Variants in ZNF394 observed in about 807,000 individuals in gnomAD.
ZNF394 encodes the protein zinc finger protein 394, also known as zinc finger protein 99.
In ZNF394, 19 loss-of-function variants were observed where a neutral mutation model predicts 21.8. That is an observed-to-expected ratio of 0.87 (90% confidence interval 0.61 to 1.28). The LOEUF is 1.28. Ranked by LOEUF, ZNF394 falls within the 50% of genes most tolerant of loss-of-function variation. The probability of loss-of-function intolerance (pLI) is 0.00; values close to 1 mark genes in which losing one functional copy is unlikely to be tolerated. For missense variants in ZNF394, 683 were observed against 708.6 expected (o/e 0.96, Z 0.41); for synonymous variants, 294 against 273.3 (o/e 1.08, Z -0.75).
chr7:99,493,956 C>A lies in ZNF394; in HGVS notation c.1259G>T (p.Gly420Val). 6.2e-7 allele frequency: 1 copy of A among 1,614,230 alleles called. No individual in the cohort carries two copies. Among genetic ancestry groups the A allele is most frequent in the Non-Finnish European group, 8.5e-7 (1 of 1,180,038 alleles). The stretch of plus-strand genomic sequence containing the variant: ...GTGTGAATTCTGCCTGAAGCGCTCC[C>A]CACATTTCAGACAGGTGTACGGCTT... ...GEKPYTCLKCGERFRQNSHLN... is the reference protein window; with the variant it reads ...GEKPYTCLKCVERFRQNSHLN... Residue 420 changes from glycine to valine, a missense_variant, in exon 3 of 3, where the codon GGG becomes GTG. Physicochemically the swap from Gly to Val is moderately radical, Grantham distance 109. Transcript: ENST00000337673.
rs2085608566 is a variant in ZNF394, at chr7:99,494,346, G to A, written c.869C>T (p.Ala290Val). Residue 290 changes from alanine (A) to valine (V), a missense_variant, in exon 3 of 3, where the codon GCC (alanine) becomes GTC (valine). This residue lies in a region of ZNF394 where 402 missense variants were observed against 373.8 expected (regional missense o/e 1.08). Coordinates refer to ENST00000337673, the MANE Select transcript of ZNF394 (RefSeq NM_032164.4). ...ACATAGAACAAGGTTGGAACACCTG[G>A]CACTGTTCTGCAATTCATTATTTTT... ...DSKNNELQNS[A>V]RCSNLVLCQH... 6.2e-7 allele frequency: 1 copy of A among 1,614,176 alleles called. No homozygotes were observed. Among genetic ancestry groups the A allele is most frequent in the African/African-American group, 1.3e-5 (1 of 75,044 alleles).
intron 2 of ZNF394, among the ~76,000 whole-genome samples, chr7:99,495,372 G>A (rs1422554466): frequency 6.6e-6 from 1 of 151,600 alleles, no homozygotes; most frequent in Non-Finnish European, 1.5e-5. Flanking sequence ...GCCTAGGCTG[G>A]AGTGCAGTGG....
rs373437696 is a variant in ZNF394 at position 99,494,567 on chromosome 7, C to T, written c.648G>A (p.Glu216=). 6.2e-6 allele frequency: 10 copies of T among 1,606,868 alleles called. No homozygotes were observed. In the African/African-American group the frequency reaches 1.1e-4, roughly 17 times the overall value. ...IPMQQILEEA[E]PQGQLQEAFQ... ...ACGCTTCTTGTAGTTGCCCCTGTGG[C>T]TCCGCTTCTTCTAAAATTTGTTGCA... The change falls in exon 3 of 3, where the codon GAG becomes GAA. Residue 216 remains glutamate, a synonymous_variant. Coordinates refer to ENST00000337673, the MANE Select transcript of ZNF394 (RefSeq NM_032164.4).
chr7:99,492,075 GAA>G (rs397948314), downstream of ZNF394, among the ~76,000 whole-genome samples: 4 of 47,692 alleles, frequency 8.4e-5, no homozygotes, highest in Non-Finnish European at 9.0e-5. Context: ...TCCGTCTCAA[GAA>G]AAAAAAAAAA....
At chr7:99,496,514 G>A (rs992553870) in intron 2 of ZNF394, among the ~76,000 whole-genome samples, 2 of 152,106 alleles carry the variant, frequency 1.3e-5, no homozygotes, top group Non-Finnish European at 2.9e-5. Flanking sequence ...GCAAAGGGCA[G>A]CAGAAGGGAT....
intron 2 of ZNF394, among the ~76,000 whole-genome samples, chr7:99,495,591 T>C (rs899621438): frequency 1.3e-5 from 2 of 149,568 alleles, no homozygotes; most frequent in Admixed American, 6.7e-5. Context: ...TTGCAAAGTG[T>C]TGCGATTACA....
downstream of ZNF394, among the ~76,000 whole-genome samples, chr7:99,492,622 A>G (rs1046718388): frequency 6.8e-6 from 1 of 147,320 alleles, no homozygotes; most frequent in Non-Finnish European, 1.5e-5. Flanking sequence ...CCTGGGTGAC[A>G]GAGCGAGACT....
chr7:99,494,499 T>C lies in ZNF394; in HGVS notation c.716A>G (p.His239Arg), dbSNP rs781179683. ...RPLFSKCGST[H>R]EDRVEKQSGD... ...GGACTGCTTTTCCACCCTGTCCTCA[T>C]GGGTACTGCCACACTTAGAAAACAG... Residue 239 changes from histidine (H) to arginine (R), a missense_variant, in exon 3 of 3, where the codon CAT becomes CGT. This residue lies in a region of ZNF394 where 402 missense variants were observed against 373.8 expected (regional missense o/e 1.08). Coordinates refer to ENST00000337673, the MANE Select transcript of ZNF394 (RefSeq NM_032164.4). 5.6e-6 allele frequency: 9 copies of C among 1,613,774 alleles called. No individual in the cohort carries two copies. Among genetic ancestry groups the C allele is most frequent in the African/African-American group, 5.3e-5 (4 of 74,916 alleles).
At chr7:99,497,207 C>G (rs1224433639) in intron 2 of ZNF394, among the ~76,000 whole-genome samples, 1 of 147,528 alleles carries the variant, frequency 6.8e-6, no homozygotes, top group Non-Finnish European at 1.5e-5. Flanking sequence ...GTCACCCAGG[C>G]TGGAGTGCTG....
downstream of ZNF394, among the ~76,000 whole-genome samples, chr7:99,493,005 T>C (rs1442793635): frequency 6.6e-6 from 1 of 152,102 alleles, no homozygotes; most frequent in African/African-American, 2.4e-5. Context: ...CCCCGTTACA[T>C]GTCAGCCTGG....
At chr7:99,499,219 T>C (rs1261096341) in intron 1 of ZNF394, among the ~76,000 whole-genome samples, 2 of 150,460 alleles carry the variant, frequency 1.3e-5, no homozygotes, top group Non-Finnish European at 3.0e-5. Context: ...CTACTAAAAA[T>C]ACAAAAATTA....
At position 99,493,355 on chromosome 7, in the gene ZNF394, C is replaced by T; in HGVS notation, c.*174G>A. 1 of 1,049,044 alleles carries T rather than the reference C, an allele frequency of 9.5e-7. No individual in the cohort carries two copies. Among genetic ancestry groups the T allele is most frequent in the Non-Finnish European group, 1.3e-6 (1 of 767,360 alleles). 65.0% of individuals were successfully genotyped at this position (1,049,044 alleles called of 1,614,324 possible). ...CACTGCAACTTCCGCCTCCTGGGTTCAAGTGATTCTCCTACCTCAGCCTCC... is the reference window on the plus strand; with the variant it reads ...CACTGCAACTTCCGCCTCCTGGGTTTAAGTGATTCTCCTACCTCAGCCTCC... On this transcript the variant is annotated 3_prime_UTR_variant, in exon 3 of 3. Transcript: ENST00000337673.
chr7:99,497,147 T>TAA (rs1800357601), intron 2 of ZNF394, among the ~76,000 whole-genome samples: 1 of 139,582 alleles, frequency 7.2e-6, no homozygotes, highest in Non-Finnish European at 1.5e-5. Flanking sequence ...TATATGTATA[T>TAA]ATATATATAA....
chr7:99,489,919 T>C (rs552161377), downstream of ZNF394, among the ~76,000 whole-genome samples: 134 of 151,914 alleles, frequency 8.8e-4, no homozygotes, highest in Admixed American at 1.8e-3. Flanking sequence ...ACAGGAGAAT[T>C]GCTTGAACCC....
At position 99,487,933 on chromosome 7, in the gene ZNF394, G is replaced by A. The variant is rs192878809; in HGVS notation, n.84-970C>T. On this transcript the variant is annotated intron_variant and non_coding_transcript_variant, in intron 1 of 1. Coordinates refer to the ZNF394 transcript ENST00000462024. The stretch of plus-strand genomic sequence containing the variant: ...TAAAAAATCAAAAAATTAGCCGGGT[G>A]TGGTGGCAGGCGCCTGTAGTCCCAG... 3.9e-3 allele frequency among the ~76,000 whole-genome samples: 597 copies of A among 152,236 alleles called. 2 individuals carry two copies. Among genetic ancestry groups the A allele is most frequent in the African/African-American group, 0.014 (561 of 41,548 alleles).
At chr7:99,494,824 T>C (rs1300919947) in intron 2 of ZNF394, among the ~76,000 whole-genome samples, 193 bp from the exon 3 acceptor site, 1 of 151,036 alleles carries the variant, frequency 6.6e-6, no homozygotes, top group Non-Finnish European at 1.5e-5. Flanking sequence ...AACCTCTGCC[T>C]CCCGAGTTCA....
intron 1 of ZNF394, chr7:99,487,118 A>T: frequency 6.2e-7 from 1 of 1,614,220 alleles, no homozygotes; most frequent in Non-Finnish European, 8.5e-7. Flanking sequence ...CTTATTCGAC[A>T]TCAGGTGATC....
At chr7:99,499,132 T>C (rs934656879) in intron 1 of ZNF394, among the ~76,000 whole-genome samples, 1 of 152,096 alleles carries the variant, frequency 6.6e-6, no homozygotes, top group African/African-American at 2.4e-5. Context: ...TCCCAGCATT[T>C]TGGGAGGCCG....
In ZNF394 at chr7:99,500,205, A is replaced by G; in HGVS notation, c.-112T>C. On this transcript the variant is annotated 5_prime_UTR_variant, in exon 1 of 3. Coordinates refer to ENST00000337673, the MANE Select transcript of ZNF394 (RefSeq NM_032164.4). ...CCTCCGGTCCCAAACACCGGGCCCCACCACACCAGGCCCCTCTCCACACTC... is the reference window on the plus strand; with the variant it reads ...CCTCCGGTCCCAAACACCGGGCCCCGCCACACCAGGCCCCTCTCCACACTC... The G allele has an allele frequency of 9.7e-7, 1 of 1,034,800 alleles. No individual in the cohort carries two copies. Among genetic ancestry groups the G allele is most frequent in the Non-Finnish European group, 1.4e-6 (1 of 733,650 alleles). The allele number at this position is 1,034,800 out of a possible 1,614,324, so 64.1% of individuals were successfully genotyped here.
Sources: gnomAD v4.1 joint callset for allele counts (sites outside exome capture counted in the v4.1 genomes callset) on GRCh38, gnomAD v4.1.1 for gene constraint, gnomAD v4.1.1 regional missense constraint, MANE v1.5 for transcripts, NCBI Gene and HGNC (gene_info 2026-07-23, HGNC 2026-07-21) for gene names.